Variants in SLC35F3 observed in about 807,000 individuals in gnomAD.
SLC35F3 encodes solute carrier family 35 member F3.
SLC35F3 carries 25 observed loss-of-function variants against 49.9 expected under a neutral mutation model. The ratio of observed to expected loss-of-function variants is 0.50; its 90% CI spans 0.37 to 0.70. SLC35F3 has a LOEUF of 0.70. Among genes scored for constraint, SLC35F3 ranks in the 30% least tolerant of loss-of-function variants. SLC35F3 has a pLI of 0.00. For missense variants in SLC35F3, 525 were observed against 639.8 expected (o/e 0.82, Z 1.94); for synonymous variants, 275 against 265.4 (o/e 1.04, Z -0.35).
intron 3 of SLC35F3, among the ~76,000 whole-genome samples, chr1:234,256,454 G>A (rs998249832): frequency 1.3e-5 from 2 of 152,110 alleles, no homozygotes; most frequent in South Asian, 2.1e-4. Flanking sequence ...GCTAACTGTC[G>A]TTAGGCTCTT....
chr1:234,098,142 G>A (rs893523452), intron 2 of SLC35F3, among the ~76,000 whole-genome samples: 2 of 151,480 alleles, frequency 1.3e-5, no homozygotes, highest in South Asian at 4.2e-4. Context: ...TTCAGATGGT[G>A]GTGGTAGTGA....
At chr1:234,095,933 C>G (rs886597077) in intron 2 of SLC35F3, among the ~76,000 whole-genome samples, 1 of 152,184 alleles carries the variant, frequency 6.6e-6, no homozygotes, top group African/African-American at 2.4e-5. Flanking sequence ...TCAGTGAGTG[C>G]TTTTCTACTG....
chr1:234,226,416 C>G (rs1033285543), intron 2 of SLC35F3, among the ~76,000 whole-genome samples: 83 of 151,802 alleles, frequency 5.5e-4, no homozygotes, highest in African/African-American at 2.0e-3. Context: ...AACAAGGGTC[C>G]ACTTATTCTC....
intron 2 of SLC35F3, among the ~76,000 whole-genome samples, chr1:234,007,317 G>A (rs1402085722): frequency 6.6e-6 from 1 of 152,196 alleles, no homozygotes; most frequent in African/African-American, 2.4e-5. Flanking sequence ...AGTGGTACTT[G>A]AGCAAAGCCT....
rs760438133 is a variant in SLC35F3 at position 234,047,524 on chromosome 1, C to T, written c.283+141766C>T. Among the ~76,000 whole-genome samples the T allele has an allele frequency of 3.3e-5, 5 of 152,304 alleles. 1 individual carries two copies. The highest frequency in any genetic ancestry group is 6.8e-3 in the Middle Eastern group (2 of 294). On this transcript the variant is annotated intron_variant, in intron 2 of 7. Coordinates refer to ENST00000366618, the MANE Select transcript of SLC35F3 (RefSeq NM_173508.4). ...TCCTGCCTTCAGATTAAAATTGAAT[C>T]ATTGGTTCTTCCTGCGTCATGAACT...
At chr1:234,139,501 A>G (rs2102902186) in intron 2 of SLC35F3, among the ~76,000 whole-genome samples, 1 of 152,346 alleles carries the variant, frequency 6.6e-6, no homozygotes, top group East Asian at 1.9e-4. Flanking sequence ...GGACACACTT[A>G]TAGTTTTTAT....
At chr1:234,165,268 C>T (rs1257620398) in intron 2 of SLC35F3, among the ~76,000 whole-genome samples, 1 of 152,008 alleles carries the variant, frequency 6.6e-6, no homozygotes, top group African/African-American at 2.4e-5. Context: ...TCCATGTCAG[C>T]AAAGGAGTTT....
At chr1:234,034,053 C>T (rs752700757) in intron 2 of SLC35F3, among the ~76,000 whole-genome samples, 61 of 152,040 alleles carry the variant, frequency 4.0e-4, no homozygotes, top group Non-Finnish European at 6.8e-4. Flanking sequence ...TATAGTTTAC[C>T]TTGTGGACAT....
chr1:233,928,930 G>A (rs1392280708), intron 2 of SLC35F3, among the ~76,000 whole-genome samples: 1 of 95,130 alleles, frequency 1.1e-5, no homozygotes, highest in Non-Finnish European at 2.3e-5. Flanking sequence ...GTACAAGTCT[G>A]ATTTGTCAAT....
At position 234,260,705 on chromosome 1, in the gene SLC35F3, G is replaced by T. The variant is rs577898478; in HGVS notation, c.608+28964G>T. On this transcript the variant is annotated intron_variant, in intron 3 of 7. Coordinates refer to ENST00000366618, the MANE Select transcript of SLC35F3 (RefSeq NM_173508.4). The stretch of plus-strand genomic sequence containing the variant: ...CATCTATAGAAGGGGGATAACAAAC[G>T]ATCTTAATGTAGTCAGGTTAGTATG... 2.6e-5 allele frequency among the ~76,000 whole-genome samples: 4 copies of T among 152,288 alleles called. No homozygotes were observed. The South Asian group carries it at 6.2e-4, about 24-fold the overall frequency.
At chr1:234,118,898 T>C (rs557620712) in intron 2 of SLC35F3, among the ~76,000 whole-genome samples, 2 of 151,822 alleles carry the variant, frequency 1.3e-5, no homozygotes, top group Middle Eastern at 3.4e-3. Flanking sequence ...TTTTTTTTTT[T>C]ACAAAACCTC....
chr1:233,914,254 A>G (rs1023491534), intron 2 of SLC35F3, among the ~76,000 whole-genome samples: 2 of 152,174 alleles, frequency 1.3e-5, no homozygotes, highest in Admixed American at 1.3e-4. Flanking sequence ...AGAGCGGTCT[A>G]TTGAGTGGAG....
intron 3 of SLC35F3, among the ~76,000 whole-genome samples, chr1:234,252,436 A>T (rs957143347): frequency 2.0e-5 from 3 of 152,220 alleles, no homozygotes; most frequent in Non-Finnish European, 4.4e-5. Flanking sequence ...AAAAAATAAT[A>T]ACGAAATCAC....
At chr1:234,074,941 G>T (rs898801923) in intron 2 of SLC35F3, among the ~76,000 whole-genome samples, 1 of 152,202 alleles carries the variant, frequency 6.6e-6, no homozygotes, top group Non-Finnish European at 1.5e-5. Flanking sequence ...TAAAGGCGTT[G>T]ATCAAGAGCC....
At chr1:234,233,039 A>T (rs1186745142) in intron 3 of SLC35F3, among the ~76,000 whole-genome samples, 1 of 152,166 alleles carries the variant, frequency 6.6e-6, no homozygotes, top group African/African-American at 2.4e-5. Flanking sequence ...ATTTGGTGCA[A>T]AGAATTCTGA....
At chr1:234,154,593 C>G (rs1572072656) in intron 2 of SLC35F3, among the ~76,000 whole-genome samples, 1 of 152,120 alleles carries the variant, frequency 6.6e-6, no homozygotes, top group Non-Finnish European at 1.5e-5. Context: ...AGGGGTCAGG[C>G]AGGGGAGCAC....
At chr1:234,015,931 A>G (rs1663796650) in intron 2 of SLC35F3, among the ~76,000 whole-genome samples, 1 of 152,230 alleles carries the variant, frequency 6.6e-6, no homozygotes, top group Non-Finnish European at 1.5e-5. Context: ...CAAATTATAT[A>G]AGGAACCCAA....
At chr1:234,052,601 T>A (rs571876344) in intron 2 of SLC35F3, among the ~76,000 whole-genome samples, 5 of 152,186 alleles carry the variant, frequency 3.3e-5, no homozygotes, top group Non-Finnish European at 5.9e-5. Flanking sequence ...CCTGGATTCA[T>A]TGATTTTTTT....
chr1:234,102,116 C>G (rs1335930347), intron 2 of SLC35F3, among the ~76,000 whole-genome samples: 1 of 152,190 alleles, frequency 6.6e-6, no homozygotes, highest in Admixed American at 6.5e-5. Flanking sequence ...CCCATGGTCA[C>G]GTAGAAGGAA....
Sources: gnomAD v4.1 joint callset for allele counts (sites outside exome capture counted in the v4.1 genomes callset) on GRCh38, gnomAD v4.1.1 for gene constraint, MANE v1.5 for transcripts, NCBI Gene and HGNC (gene_info 2026-07-23, HGNC 2026-07-21) for gene names.